Variants in ATP11B observed in about 807,000 individuals in gnomAD.
ATP11B encodes the protein phospholipid-transporting ATPase IF.
A neutral mutation model predicts 157.8 loss-of-function variants in ATP11B; 81 were observed. The ratio of observed to expected loss-of-function variants is 0.51; its 90% CI spans 0.43 to 0.62. The LOEUF (loss-of-function observed/expected upper bound fraction) is 0.62, where lower values mean the gene tolerates loss of function less well. Among genes scored for constraint, ATP11B ranks in the 20% least tolerant of loss-of-function variants. The pLI is 0.00. For missense variants in ATP11B, 1,165 were observed against 1,402.2 expected (o/e 0.83, Z 2.70); for synonymous variants, 451 against 469.4 (o/e 0.96, Z 0.51).
chr3:182,825,596 G>A (rs1405636064), intron 2 of ATP11B, among the ~76,000 whole-genome samples: 1 of 152,056 alleles, frequency 6.6e-6, no homozygotes, highest in Non-Finnish European at 1.5e-5. Flanking sequence ...GGTGGCGGTT[G>A]CCTGTAGTCC....
At chr3:182,900,272 T>C (rs1723861270) in intron 28 of ATP11B, among the ~76,000 whole-genome samples, 1 of 152,222 alleles carries the variant, frequency 6.6e-6, no homozygotes, top group African/African-American at 2.4e-5. Context: ...CCTTGATCAC[T>C]TCATAAGCCT....
intron 29 of ATP11B, chr3:182,915,541 A>T (rs1429755430): frequency 1.2e-5 from 12 of 982,932 alleles, no homozygotes; most frequent in Non-Finnish European, 1.4e-5. Flanking sequence ...GATACAATAG[A>T]ACCTCTACAG....
At chr3:182,883,872 G>A (rs1285432431) in intron 21 of ATP11B, among the ~76,000 whole-genome samples, 3 of 147,444 alleles carry the variant, frequency 2.0e-5, no homozygotes, top group South Asian at 2.2e-4. Context: ...GGAGAATGGC[G>A]TGAACCTGGG....
intron 1 of ATP11B, among the ~76,000 whole-genome samples, chr3:182,812,246 T>A (rs1471223024): frequency 6.6e-6 from 1 of 152,244 alleles, no homozygotes; most frequent in African/African-American, 2.4e-5. Flanking sequence ...TGTAGCCAGC[T>A]GTTGCTGATA....
At chr3:182,916,932 C>T (rs1725178885) in intron 29 of ATP11B, 1 of 982,190 alleles carries the variant, frequency 1.0e-6, no homozygotes, top group Admixed American at 6.1e-5. Flanking sequence ...TTCATCTTCT[C>T]ATTTTATTCA....
chr3:182,860,969 G>C (rs565191102), intron 12 of ATP11B, among the ~76,000 whole-genome samples: 1 of 151,658 alleles, frequency 6.6e-6, no homozygotes, highest in Admixed American at 6.6e-5. Context: ...TGATATATGC[G>C]TTCCTAAAAT....
chr3:182,818,496 A>G (rs1576965437), intron 1 of ATP11B, among the ~76,000 whole-genome samples: 1 of 152,220 alleles, frequency 6.6e-6, no homozygotes, highest in East Asian at 1.9e-4. Flanking sequence ...TTGCAAAAGC[A>G]GGGTAGAAAA....
At chr3:182,914,355 A>C in intron 29 of ATP11B, 1 of 979,752 alleles carries the variant, frequency 1.0e-6, no homozygotes, top group East Asian at 1.1e-4. Flanking sequence ...ATTTTTTTAA[A>C]ATTTTTTTGC....
At chr3:182,821,366 C>T (rs935293956) in intron 2 of ATP11B, among the ~76,000 whole-genome samples, 14 of 152,136 alleles carry the variant, frequency 9.2e-5, no homozygotes, top group African/African-American at 3.4e-4. Flanking sequence ...CTCGGCCTCC[C>T]AAAGTGCTGG....
intron 1 of ATP11B, among the ~76,000 whole-genome samples, chr3:182,807,941 T>C (rs1188687372): frequency 6.6e-6 from 1 of 152,208 alleles, no homozygotes; most frequent in Non-Finnish European, 1.5e-5. Context: ...ACTAAGTGGC[T>C]TGATATTTCA....
chr3:182,842,034 A>T, intron 7 of ATP11B, 41 bp from the exon 8 acceptor site: 1 of 1,363,752 alleles, frequency 7.3e-7, no homozygotes, highest in Non-Finnish European at 1.0e-6. Context: ...TTGATGTCAT[A>T]AGTGATATTA....
chr3:182,835,951 A>G, intron 4 of ATP11B, 84 bp from the exon 5 acceptor site: 1 of 993,834 alleles, frequency 1.0e-6, no homozygotes, highest in Admixed American at 2.5e-5. Context: ...GTTCCAGGGA[A>G]GTTTTTGAGT....
At chr3:182,913,704 AGTAAAT>A (rs1269928590) in intron 28 of ATP11B, among the ~76,000 whole-genome samples, 151 bp from the exon 29 acceptor site, 1 of 152,248 alleles carries the variant, frequency 6.6e-6, no homozygotes, top group African/African-American at 2.4e-5. Context: ...GTTATACTCT[AGTAAAT>A]TAAAGCCTTT....
chr3:182,864,430 A>G (rs1365733235), intron 12 of ATP11B, among the ~76,000 whole-genome samples: 1 of 152,014 alleles, frequency 6.6e-6, no homozygotes, highest in East Asian at 1.9e-4. Context: ...GTTCCTTTTT[A>G]TTCCAGTTTG....
At chr3:182,860,241 T>C (rs1489671209) in intron 12 of ATP11B, among the ~76,000 whole-genome samples, 1 of 152,232 alleles carries the variant, frequency 6.6e-6, no homozygotes, top group Admixed American at 6.5e-5. Context: ...AAAATATCTT[T>C]ATTCTCTTTT....
At chr3:182,906,350 C>T (rs1239242615) in intron 28 of ATP11B, among the ~76,000 whole-genome samples, 4 of 152,166 alleles carry the variant, frequency 2.6e-5, no homozygotes, top group African/African-American at 9.7e-5. Context: ...ATCTAAGTCA[C>T]CTCTTAAGTT....
intron 21 of ATP11B, among the ~76,000 whole-genome samples, 195 bp downstream of exon 21, chr3:182,881,176 C>T (rs1435946307): frequency 6.6e-6 from 1 of 152,224 alleles, no homozygotes; most frequent in Non-Finnish European, 1.5e-5. Flanking sequence ...TGGCTCACGC[C>T]TGTAATCCCA....
intron 3 of ATP11B, among the ~76,000 whole-genome samples, 190 bp from the exon 4 acceptor site, chr3:182,829,482 A>G (rs1286706139): frequency 2.0e-5 from 3 of 152,200 alleles, no homozygotes; most frequent in Admixed American, 6.5e-5. Context: ...TGCTGAGTCC[A>G]GTCTAGCCAT....
intron 28 of ATP11B, among the ~76,000 whole-genome samples, chr3:182,903,739 G>A (rs921485900): frequency 1.3e-5 from 2 of 152,088 alleles, no homozygotes; most frequent in African/African-American, 4.8e-5. Flanking sequence ...TTTATCAGTA[G>A]GTGACTTTAA....
Sources: allele counts gnomAD v4.1 joint callset (sites outside exome capture counted in the v4.1 genomes callset), GRCh38; gene constraint gnomAD v4.1.1; transcripts MANE v1.5; gene names NCBI Gene and HGNC (gene_info 2026-07-23, HGNC 2026-07-21).